Variants in LIMCH1 observed in about 807,000 individuals in gnomAD.
The protein encoded by LIMCH1 is LIM and calponin homology domains 1.
A neutral mutation model predicts 176.5 loss-of-function variants in LIMCH1; 113 were observed. The ratio of observed to expected loss-of-function variants is 0.64; its 90% confidence interval spans 0.55 to 0.75. LIMCH1 has a LOEUF of 0.75. Ranked by LOEUF, LIMCH1 falls within the 30% of genes least tolerant of loss-of-function variation. The pLI, the probability that LIMCH1 is intolerant of heterozygous loss-of-function variation, is 0.00. For synonymous variants in LIMCH1, 619 were observed against 645.9 expected (o/e 0.96, Z 0.63); for missense variants, 1,674 against 1,814.9 (o/e 0.92, Z 1.41).
chr4:41,469,810 T>A (rs1377974100), intron 1 of LIMCH1, among the ~76,000 whole-genome samples: 1 of 151,918 alleles, frequency 6.6e-6, no homozygotes, highest in Non-Finnish European at 1.5e-5. Flanking sequence ...GCCTCCCGAG[T>A]AGCTGGGACT....
intron 1 of LIMCH1, among the ~76,000 whole-genome samples, chr4:41,464,350 C>G (rs1008622259): frequency 4.0e-5 from 6 of 150,426 alleles, no homozygotes; most frequent in Non-Finnish European, 8.9e-5. Flanking sequence ...GAGCCATTTT[C>G]TTTTTCCTTT....
At chr4:41,363,491 A>G (rs1048007150) in intron 1 of LIMCH1, among the ~76,000 whole-genome samples, 7 of 152,170 alleles carry the variant, frequency 4.6e-5, no homozygotes, top group Admixed American at 3.3e-4. Flanking sequence ...TGGGTGGAGC[A>G]AGTTAATAAA....
chr4:41,587,008 A>G (rs2086616970), intron 1 of LIMCH1, among the ~76,000 whole-genome samples: 1 of 152,238 alleles, frequency 6.6e-6, no homozygotes, highest in Non-Finnish European at 1.5e-5. Context: ...GAGTTAATTA[A>G]GTAATGTATG....
chr4:41,524,770 A>G (rs1043399985), intron 3 of LIMCH1, among the ~76,000 whole-genome samples: 1 of 152,154 alleles, frequency 6.6e-6, no homozygotes, highest in East Asian at 1.9e-4. Flanking sequence ...TTGGGGGAGG[A>G]ATGTGATTTT....
chr4:41,620,537 C>T lies in LIMCH1; in HGVS notation c.572C>T (p.Pro191Leu). Residue 191 changes from proline to leucine, a missense_variant, in exon 7 of 32, where the codon CCT (proline) becomes CTT (leucine). By Grantham distance (98) the Pro-to-Leu change is moderately conservative. This residue lies in a region of LIMCH1 where 655 missense variants were observed against 692.2 expected (regional missense o/e 0.95). Coordinates refer to ENST00000503057, the MANE Select transcript of LIMCH1 (RefSeq NM_001330672.2). ...CCTTCCGATGGTGGGTGTGAATTAC[C>T]TGACGGCAGTGGTAAGGAGCACCCT... ...WKPSDGGCEL[P>L]DGSGKEHPSS... The T allele has an allele frequency of 1.3e-6, 2 of 1,536,444 alleles. No homozygotes were observed. The highest frequency in any genetic ancestry group is 1.7e-6 in the Non-Finnish European group (2 of 1,147,000).
chr4:41,445,110 A>G (rs1168177256), intron 1 of LIMCH1, among the ~76,000 whole-genome samples: 1 of 151,104 alleles, frequency 6.6e-6, no homozygotes, highest in Non-Finnish European at 1.5e-5. Flanking sequence ...GGTTCAAGCA[A>G]TTCTCCTGCC....
chr4:41,530,711 G>T (rs1369180087), intron 3 of LIMCH1, among the ~76,000 whole-genome samples: 2 of 142,934 alleles, frequency 1.4e-5, no homozygotes, highest in East Asian at 4.1e-4. Flanking sequence ...GGAGGCTAAG[G>T]CAGGAGAATT....
intron 2 of LIMCH1, among the ~76,000 whole-genome samples, chr4:41,602,559 TA>T (rs1210231291): frequency 1.3e-5 from 2 of 152,038 alleles, no homozygotes; most frequent in African/African-American, 4.8e-5. Context: ...TTTCTTAAAT[TA>T]AAAACCCTAG....
chr4:41,474,268 C>G (rs960176023), intron 1 of LIMCH1, among the ~76,000 whole-genome samples: 1 of 152,134 alleles, frequency 6.6e-6, no homozygotes, highest in African/African-American at 2.4e-5. Context: ...GCAGGTGGAT[C>G]ACAAGGGCAG....
chr4:41,520,294 C>T (rs2075993790), intron 2 of LIMCH1, among the ~76,000 whole-genome samples: 1 of 152,074 alleles, frequency 6.6e-6, no homozygotes, highest in Non-Finnish European at 1.5e-5. Context: ...CTTGAATATA[C>T]CAAGTCCACT....
chr4:41,482,531 A>G (rs1433030262), intron 1 of LIMCH1, among the ~76,000 whole-genome samples: 2 of 152,284 alleles, frequency 1.3e-5, no homozygotes, highest in East Asian at 3.9e-4. Flanking sequence ...GGTGACTGTC[A>G]TGCTTCTGCG....
chr4:41,693,623 A>G (rs1331281211), intron 31 of LIMCH1, among the ~76,000 whole-genome samples: 1 of 151,202 alleles, frequency 6.6e-6, no homozygotes, highest in Non-Finnish European at 1.5e-5. Context: ...CATATATAGT[A>G]CATGTATAAT....
chr4:41,616,597 C>T (rs2152809730), intron 5 of LIMCH1, among the ~76,000 whole-genome samples: 1 of 152,084 alleles, frequency 6.6e-6, no homozygotes, highest in South Asian at 2.1e-4. Context: ...ATTCTCCTAA[C>T]TCTGGACATA....
At chr4:41,647,037 C>A (rs1163410826) in intron 17 of LIMCH1, 144 bp downstream of exon 17, 2 of 794,442 alleles carry the variant, frequency 2.5e-6, no homozygotes, top group Non-Finnish European at 3.9e-6. Flanking sequence ...AGTCATAGGT[C>A]TCTGGAGATT....
Position 41,658,612 on chromosome 4 carries a change from G to A in LIMCH1, c.3037-2808G>A, listed in dbSNP as rs188595182. Among the ~76,000 whole-genome samples, 673 of 152,176 alleles carry A rather than the reference G, an allele frequency of 4.4e-3. 3 individuals carry two copies. The highest frequency in any genetic ancestry group is 7.9e-3 in the South Asian group (38 of 4,802). On this transcript the variant is annotated intron_variant, in intron 18 of 31. Coordinates refer to ENST00000503057, the MANE Select transcript of LIMCH1 (RefSeq NM_001330672.2). ...TATCTTATTTCATTGATTCTAAGTGGCACACTTTTCACATTTTAACATCTC... is the reference window on the plus strand; with the variant it reads ...TATCTTATTTCATTGATTCTAAGTGACACACTTTTCACATTTTAACATCTC...
intron 1 of LIMCH1, among the ~76,000 whole-genome samples, chr4:41,396,126 C>T (rs79298033): frequency 0.022 from 3,416 of 152,132 alleles, 128 homozygotes; most frequent in African/African-American, 0.079. Context: ...TTTGTGGGGC[C>T]GGATCTGTAG....
At chr4:41,697,016 C>A in intron 31 of LIMCH1, 144 bp from the exon 32 acceptor site, 1 of 769,170 alleles carries the variant, frequency 1.3e-6, no homozygotes, top group Non-Finnish European at 2.2e-6. Context: ...GGCCACACTT[C>A]AAGTAGCAGG....
At chr4:41,365,277 G>C (rs2052799459) in intron 1 of LIMCH1, among the ~76,000 whole-genome samples, 1 of 152,202 alleles carries the variant, frequency 6.6e-6, no homozygotes, top group Admixed American at 6.5e-5. Context: ...ACTAGTGCTG[G>C]AAGGGATCAG....
intron 27 of LIMCH1, 137 bp from the exon 28 acceptor site, chr4:41,685,573 T>C: frequency 1.0e-6 from 1 of 989,960 alleles, no homozygotes; most frequent in African/African-American, 1.7e-5. Flanking sequence ...GTGGCCTCTC[T>C]AACCACCATG....
Sources: gnomAD v4.1 joint callset for allele counts (sites outside exome capture counted in the v4.1 genomes callset) on GRCh38, gnomAD v4.1.1 for gene constraint, gnomAD v4.1.1 regional missense constraint, MANE v1.5 for transcripts, NCBI Gene and HGNC (gene_info 2026-07-23, HGNC 2026-07-21) for gene names.